The following RABGAP1L variants were observed in gnomAD, a reference collection of about 807,000 sequenced individuals.
RABGAP1L encodes the protein RAB GTPase activating protein 1 like.
Under a neutral mutation model 137.7 loss-of-function variants are expected in RABGAP1L, and 63 were observed. That is an observed-to-expected ratio of 0.46 (90% CI 0.37 to 0.56). RABGAP1L has a LOEUF of 0.56. Among genes scored for constraint, RABGAP1L ranks in the 20% least tolerant of loss-of-function variants. The probability of loss-of-function intolerance (pLI) is 0.00; values close to 1 mark genes in which losing one functional copy is unlikely to be tolerated. For synonymous variants in RABGAP1L, 431 were observed against 433.7 expected (o/e 0.99, Z 0.08); for missense variants, 1,095 against 1,244.0 (o/e 0.88, Z 1.80).
chr1:174,664,793 A>G (rs1425389396), intron 14 of RABGAP1L, among the ~76,000 whole-genome samples: 2 of 132,096 alleles, frequency 1.5e-5, no homozygotes, highest in Non-Finnish European at 3.1e-5. Flanking sequence ...GCTGGAGTGC[A>G]ATGGTGTGAT....
At chr1:174,911,925 A>C (rs1660118694) in intron 19 of RABGAP1L, among the ~76,000 whole-genome samples, 1 of 152,180 alleles carries the variant, frequency 6.6e-6, no homozygotes, top group Non-Finnish European at 1.5e-5. Flanking sequence ...TTTGTCACGC[A>C]ATAGGAACCA....
chr1:174,333,287 G>A (rs558289552), intron 11 of RABGAP1L, among the ~76,000 whole-genome samples: 14 of 152,198 alleles, frequency 9.2e-5, no homozygotes, highest in African/African-American at 2.6e-4. Context: ...GTAACGCATC[G>A]GATATTTCAC....
intron 17 of RABGAP1L, chr1:174,705,674 T>A (rs1462425433): frequency 6.6e-6 from 1 of 152,204 alleles, no homozygotes; most frequent in East Asian, 1.9e-4. Context: ...CCTCAGGATA[T>A]TTATTCTTTC....
rs1245071622 is a variant in RABGAP1L at position 174,559,837 on chromosome 1, CA to C, written c.1711-77532del. Among the ~76,000 whole-genome samples, 4 of 152,248 alleles carry C rather than the reference CA, an allele frequency of 2.6e-5. No individual in the cohort carries two copies. In the East Asian group the frequency reaches 7.7e-4, roughly 29 times the overall value. ...TGAGAATAGAGCAGGCACATGTATC[CA>C]AAAAAGTTCCCTTTTGGCCGAGTGT... is the stretch of plus-strand genomic sequence containing the variant. On this transcript the variant is annotated intron_variant, in intron 13 of 25. Transcript: ENST00000681986.
At chr1:174,362,829 A>G (rs1684264812) in intron 11 of RABGAP1L, among the ~76,000 whole-genome samples, 1 of 152,104 alleles carries the variant, frequency 6.6e-6, no homozygotes, top group African/African-American at 2.4e-5. Flanking sequence ...CTTCTGTTGC[A>G]GTTGCTTTTG....
chr1:174,212,076 C>A (rs1003615594), intron 1 of RABGAP1L, among the ~76,000 whole-genome samples: 1 of 151,938 alleles, frequency 6.6e-6, no homozygotes, highest in African/African-American at 2.4e-5. Flanking sequence ...ATCTTCCAGT[C>A]AAAAAATCAA....
At chr1:174,829,745 G>A (rs1691909878) in intron 19 of RABGAP1L, among the ~76,000 whole-genome samples, 1 of 148,370 alleles carries the variant, frequency 6.7e-6, no homozygotes. Context: ...ATTACTAATA[G>A]ATCACAAATG....
At chr1:174,282,089 T>C (rs1297008256) in intron 10 of RABGAP1L, among the ~76,000 whole-genome samples, 2 of 152,252 alleles carry the variant, frequency 1.3e-5, no homozygotes, top group Non-Finnish European at 2.9e-5. Flanking sequence ...TTGAGTTGTT[T>C]CCATTTTTGG....
At chr1:174,531,605 C>T (rs1572193265) in intron 13 of RABGAP1L, among the ~76,000 whole-genome samples, 1 of 152,072 alleles carries the variant, frequency 6.6e-6, no homozygotes, top group Non-Finnish European at 1.5e-5. Context: ...CAGCTGGTTG[C>T]ATCTTTAGTT....
At chr1:174,640,631 C>T (rs1397690226) in intron 14 of RABGAP1L, among the ~76,000 whole-genome samples, 1 of 152,048 alleles carries the variant, frequency 6.6e-6, no homozygotes. Flanking sequence ...CTATTCTGGA[C>T]ACCCCGCGCA....
chr1:174,968,279 G>A (rs1669820153), intron 20 of RABGAP1L, among the ~76,000 whole-genome samples: 1 of 152,134 alleles, frequency 6.6e-6, no homozygotes, highest in Non-Finnish European at 1.5e-5. Flanking sequence ...AGAAAACACT[G>A]TTAGACGTGT....
At chr1:174,976,234 A>G (rs2149377701) in intron 22 of RABGAP1L, 52 bp downstream of exon 22, 1 of 1,363,798 alleles carries the variant, frequency 7.3e-7, no homozygotes, top group East Asian at 2.5e-5. Flanking sequence ...TTGGTAGGGA[A>G]TTAACACTAT....
chr1:174,529,474 G>A lies in RABGAP1L; in HGVS notation c.1711-107901G>A, dbSNP rs578182400. ...TGTAGTTATTAGTGGAGGTTGTGCT[G>A]GAGTTTTTATGGGGATTTGGATACC... On this transcript the variant is annotated intron_variant, in intron 13 of 25. Transcript: ENST00000681986. Among the ~76,000 whole-genome samples, 299 of 152,208 alleles carry A rather than the reference G, an allele frequency of 2.0e-3. 1 individual carries two copies. The highest frequency in any genetic ancestry group is 6.8e-3 in the African/African-American group (282 of 41,524).
chr1:174,263,714 T>C (rs1306833746), intron 7 of RABGAP1L, among the ~76,000 whole-genome samples: 2 of 152,106 alleles, frequency 1.3e-5, no homozygotes, highest in African/African-American at 4.8e-5. Flanking sequence ...TATTTACTTT[T>C]TTTTTTTTAA....
At chr1:174,533,481 C>T (rs1426840413) in intron 13 of RABGAP1L, among the ~76,000 whole-genome samples, 4 of 149,866 alleles carry the variant, frequency 2.7e-5, no homozygotes, top group African/African-American at 1.0e-4. Flanking sequence ...CCTCCTCTTC[C>T]TCCTCCTCCT....
intron 19 of RABGAP1L, among the ~76,000 whole-genome samples, chr1:174,913,239 G>A (rs911636825): frequency 6.6e-6 from 1 of 152,156 alleles, no homozygotes; most frequent in Non-Finnish European, 1.5e-5. Flanking sequence ...GCCTCCCAAA[G>A]TGCTAGGATT....
intron 17 of RABGAP1L, among the ~76,000 whole-genome samples, chr1:174,715,933 G>A (rs1452151146): frequency 1.3e-5 from 2 of 152,090 alleles, no homozygotes; most frequent in African/African-American, 2.4e-5. Flanking sequence ...TATCCACAGG[G>A]TTTAAAGTTC....
chr1:174,229,670 A>G (rs1401914876), intron 3 of RABGAP1L, among the ~76,000 whole-genome samples: 40 of 152,150 alleles, frequency 2.6e-4, no homozygotes, highest in Admixed American at 2.6e-3. Flanking sequence ...GTAGAGGAAA[A>G]AGTCATTTGG....
chr1:174,218,620 T>C (rs1378041127), intron 1 of RABGAP1L, among the ~76,000 whole-genome samples: 1 of 152,164 alleles, frequency 6.6e-6, no homozygotes, highest in Non-Finnish European at 1.5e-5. Context: ...TTGAATTCTG[T>C]ATTAGTCAAC....
Sources: gnomAD v4.1 joint callset for allele counts (sites outside exome capture counted in the v4.1 genomes callset) on GRCh38, gnomAD v4.1.1 for gene constraint, MANE v1.5 for transcripts, NCBI Gene and HGNC (gene_info 2026-07-23, HGNC 2026-07-21) for gene names.